The following VDAC1 variants were observed in gnomAD, a reference collection of about 807,000 sequenced individuals.
VDAC1 encodes voltage dependent anion channel 1.
Under a neutral mutation model 34.7 loss-of-function variants are expected in VDAC1, and 10 were observed. The observed-to-expected ratio is 0.29, with a 90% CI of 0.18 to 0.49. The LOEUF is 0.49. Ranked by LOEUF, VDAC1 falls within the 20% of genes least tolerant of loss-of-function variation. The pLI, the probability that VDAC1 is intolerant of heterozygous loss-of-function variation, is 0.99. For synonymous variants in VDAC1, 130 were observed against 136.0 expected (o/e 0.96, Z 0.30); for missense variants, 230 against 347.9 (o/e 0.66, Z 2.69).
At chr5:133,996,694 G>A (rs1169573402) in intron 1 of VDAC1, among the ~76,000 whole-genome samples, 3 of 152,030 alleles carry the variant, frequency 2.0e-5, no homozygotes, top group Non-Finnish European at 4.4e-5. Flanking sequence ...GCACATAATA[G>A]GCATTCAATA....
chr5:134,053,480 G>A, the VDAC1 span, among the ~76,000 whole-genome samples: 5 of 152,218 alleles, frequency 3.3e-5, no homozygotes, highest in African/African-American at 1.2e-4. Context: ...CCAGGGGCAG[G>A]CGCCAGGAAG....
the VDAC1 span, among the ~76,000 whole-genome samples, chr5:134,041,864 C>T: frequency 6.6e-6 from 1 of 152,186 alleles, no homozygotes; most frequent in Admixed American, 6.5e-5. Flanking sequence ...TCCTGGCCAC[C>T]ACCCCACACT....
At chr5:134,097,455 C>A in the VDAC1 span, among the ~76,000 whole-genome samples, 2 of 152,210 alleles carry the variant, frequency 1.3e-5, no homozygotes, top group Non-Finnish European at 2.9e-5. Flanking sequence ...TCATCAAGAA[C>A]TTCATCCAGA....
chr5:134,041,045 A>G, the VDAC1 span, among the ~76,000 whole-genome samples: 1,304 of 152,338 alleles, frequency 8.6e-3, 20 homozygotes, highest in African/African-American at 0.029. Flanking sequence ...GAAATTTAAA[A>G]TATTGTCCTT....
At chr5:133,992,423 T>C in intron 2 of VDAC1, 68 bp from the exon 3 acceptor site, 13 of 1,314,966 alleles carry the variant, frequency 9.9e-6, no homozygotes, top group Middle Eastern at 3.8e-4. Context: ...GCCTCCCTCA[T>C]GGTTGCTTCA....
At chr5:134,037,314 C>G in the VDAC1 span, among the ~76,000 whole-genome samples, 1 of 152,108 alleles carries the variant, frequency 6.6e-6, no homozygotes, top group African/African-American at 2.4e-5. Flanking sequence ...TGATCACTGC[C>G]CTGTGTTCTA....
At chr5:134,086,425 C>T in the VDAC1 span, among the ~76,000 whole-genome samples, 83 of 152,268 alleles carry the variant, frequency 5.5e-4, no homozygotes, top group Non-Finnish European at 2.5e-4. Context: ...GAACCTGGAA[C>T]CTGGGAGGCC....
At chr5:133,983,249 T>TAAA (rs80036951) in intron 5 of VDAC1, among the ~76,000 whole-genome samples, 1 of 132,442 alleles carries the variant, frequency 7.6e-6, no homozygotes, top group Non-Finnish European at 1.6e-5. Flanking sequence ...ACTCCATCTT[T>TAAA]AAAAAAAAAA....
At chr5:134,009,438 T>C (rs146138553), upstream of VDAC1, among the ~76,000 whole-genome samples, 843 of 151,648 alleles carry the variant, frequency 5.6e-3, 7 homozygotes, top group African/African-American at 0.019. Context: ...TTTGTATTTT[T>C]AGTAGAGATG....
At chr5:134,069,588 C>T in the VDAC1 span, among the ~76,000 whole-genome samples, 4 of 152,292 alleles carry the variant, frequency 2.6e-5, no homozygotes, top group Admixed American at 1.3e-4. Context: ...GACCCGGAGC[C>T]TCTAGGAGAC....
intron 1 of VDAC1, among the ~76,000 whole-genome samples, chr5:133,993,392 A>G (rs1753178918): frequency 1.3e-5 from 2 of 152,256 alleles, no homozygotes; most frequent in Non-Finnish European, 2.9e-5. Flanking sequence ...ACTGTTGCCA[A>G]TAAAACATAT....
chr5:134,071,081 C>G, the VDAC1 span, among the ~76,000 whole-genome samples: 1 of 152,202 alleles, frequency 6.6e-6, no homozygotes, highest in Non-Finnish European at 1.5e-5. The surrounding 1 kb of genome is among the most constrained non-coding windows in gnomAD (Gnocchi z 4.1). Flanking sequence ...GGTGACCAAT[C>G]TTTCAGGCAG....
the VDAC1 span, among the ~76,000 whole-genome samples, chr5:134,056,339 G>A: frequency 4.5e-4 from 68 of 151,804 alleles, no homozygotes; most frequent in African/African-American, 1.5e-3. Context: ...AAGATGTGCA[G>A]CTATGTGTAG....
chr5:133,980,703 A>AC, intron 6 of VDAC1, 26 bp downstream of exon 6: 1 of 349,854 alleles, frequency 2.9e-6, no homozygotes, highest in Non-Finnish European at 4.7e-6. Flanking sequence ...CACCCCTCCC[A>AC]CCCTGCTGCC....
At chr5:134,094,037 A>G in the VDAC1 span, among the ~76,000 whole-genome samples, 1 of 152,238 alleles carries the variant, frequency 6.6e-6, no homozygotes, top group Non-Finnish European at 1.5e-5. Context: ...CCCAGAGACC[A>G]GAGCTGTGTG....
chr5:133,986,812 A>G (rs1752924996), intron 5 of VDAC1, among the ~76,000 whole-genome samples: 1 of 152,246 alleles, frequency 6.6e-6, no homozygotes, highest in Non-Finnish European at 1.5e-5. Flanking sequence ...AAAACCAGAA[A>G]TAAAGACATG....
the VDAC1 span, among the ~76,000 whole-genome samples, chr5:134,098,998 G>C: frequency 6.6e-6 from 1 of 152,222 alleles, no homozygotes; most frequent in Admixed American, 6.5e-5. Context: ...CAATGAGAAG[G>C]GAGACCAGGC....
chr5:134,045,721 G>A, the VDAC1 span, among the ~76,000 whole-genome samples: 61 of 151,842 alleles, frequency 4.0e-4, 1 homozygote, highest in Non-Finnish European at 1.8e-4. Flanking sequence ...TGTTGCCCAG[G>A]CTGAAGTGCA....
intron 5 of VDAC1, chr5:133,989,127 T>C (rs1753007390): frequency 6.6e-6 from 1 of 152,192 alleles, no homozygotes; most frequent in Non-Finnish European, 1.5e-5. Context: ...AGATCATCTA[T>C]AGCCAAGCTA....
Sources: allele counts gnomAD v4.1 joint callset (sites outside exome capture counted in the v4.1 genomes callset), GRCh38; gene constraint gnomAD v4.1.1; non-coding constraint Gnocchi (gnomAD v3.1); transcripts MANE v1.5; gene names NCBI Gene and HGNC (gene_info 2026-07-23, HGNC 2026-07-21).